SNRNP200: variants seen among roughly 807,000 people sequenced by gnomAD.
SNRNP200 encodes U5 small nuclear ribonucleoprotein 200 kDa helicase.
A neutral mutation model predicts 255.2 loss-of-function variants in SNRNP200; 66 were observed. The observed-to-expected ratio is 0.26, with a 90% CI of 0.21 to 0.32. The LOEUF is 0.32. Ranked by LOEUF, SNRNP200 falls within the 10% of genes least tolerant of loss-of-function variation. The probability of loss-of-function intolerance (pLI) is 1.00; values close to 1 mark genes in which losing one functional copy is unlikely to be tolerated. For synonymous variants in SNRNP200, 939 were observed against 1,027.8 expected, an observed-to-expected ratio of 0.91 and a Z score of 1.65; for missense variants, 1,585 against 2,749.8, an observed-to-expected ratio of 0.58 and a Z score of 9.47.
rs955315257 is a variant in SNRNP200 at position 96,291,999 on chromosome 2, A to C, written c.2161-99T>G. 7.4e-7 allele frequency: 1 copy of C among 1,354,174 alleles called. No individual in the cohort carries two copies. Among genetic ancestry groups the C allele is most frequent in the Non-Finnish European group, 1.0e-6 (1 of 958,374 alleles). 83.9% of individuals were successfully genotyped at this position (1,354,174 alleles called of 1,614,324 possible). ...GTTGCACCATCACCACCAGAAGCCA[A>C]GGTCCTGGAGAGGGGCAAGGGCAGG... On this transcript the variant is annotated intron_variant, in intron 16 of 44. Coordinates refer to ENST00000323853, the MANE Select transcript of SNRNP200 (RefSeq NM_014014.5). The surrounding 1 kb of genome is among the most constrained non-coding windows in gnomAD (Gnocchi z 4.2).
rs182700539 is a variant in SNRNP200, at chr2:96,293,038, G to C, written c.2094C>G (p.Ile698Met). 1.2e-6 allele frequency: 2 copies of C among 1,614,022 alleles called. No individual in the cohort carries two copies. Among genetic ancestry groups the C allele is most frequent in the Admixed American group, 1.7e-5 (1 of 60,022 alleles). Residue 698 changes from isoleucine to methionine, a missense_variant, in exon 16 of 45, where the codon ATC (isoleucine) becomes ATG (methionine). Physicochemically the swap from Ile to Met is conservative, Grantham distance 10. Around this residue, in one of 9 missense-constraint regions of SNRNP200, gnomAD observed 140 missense variants for 274.9 expected, o/e 0.51. Coordinates refer to ENST00000323853, the MANE Select transcript of SNRNP200 (RefSeq NM_014014.5). ...TYVGITEKKA[I>M]KRFQIMNEIV... The stretch of plus-strand genomic sequence containing the variant: ...TTTCATTCATGATCTGGAAACGCTT[G>C]ATAGCTTTTTTCTCTGTGATACCCA...
In SNRNP200 at chr2:96,292,018, G is replaced by A. The variant is rs1288910928; in HGVS notation, c.2161-118C>T. 2.7e-6 allele frequency: 3 copies of A among 1,119,886 alleles called. No homozygotes were observed. The African/African-American group carries it at 4.6e-5, about 17-fold the overall frequency. The allele number at this position is 1,119,886 out of a possible 1,614,324, so 69.4% of individuals were successfully genotyped here. A position where few individuals can be genotyped will look rare whatever the true frequency, so the allele number is the denominator to read the frequency against. Reference sequence around the variant, plus strand: ...AAGCCAAGGTCCTGGAGAGGGGCAAGGGCAGGAATGTGTGCAGGCTCAGAG... The same window carrying A: ...AAGCCAAGGTCCTGGAGAGGGGCAAAGGCAGGAATGTGTGCAGGCTCAGAG... On this transcript the variant is annotated intron_variant, in intron 16 of 44. Coordinates refer to ENST00000323853, the MANE Select transcript of SNRNP200 (RefSeq NM_014014.5).
chr2:96,287,053 G>C lies in SNRNP200; in HGVS notation c.3592C>G (p.Leu1198Val). The change falls in exon 27 of 45, where the codon CTG (leucine) becomes GTG (valine). Residue 1198 changes from leucine to valine, a missense_variant. Physicochemically the swap from Leu to Val is conservative, Grantham distance 32. Transcript: ENST00000323853. The surrounding 1 kb of genome is among the most constrained non-coding windows in gnomAD (Gnocchi z 5.7). ...VHLQPITRST[L>V]KVELTITPDF... is the part of the protein sequence containing the mutation. Reference sequence around the variant, plus strand: ...GGCGTGATGGTCAGCTCCACCTTCAGGGTGGAGCGTGTGATAGGCTGCAGG... The same window carrying C: ...GGCGTGATGGTCAGCTCCACCTTCACGGTGGAGCGTGTGATAGGCTGCAGG... 6.2e-7 allele frequency: 1 copy of C among 1,613,846 alleles called. No homozygotes were observed. The highest frequency in any genetic ancestry group is 8.5e-7 in the Non-Finnish European group (1 of 1,179,706).
chr2:96,289,849 G>A lies in SNRNP200; in HGVS notation c.2890C>T (p.Leu964=), dbSNP rs774954297. 2 of 1,614,176 alleles carry A rather than the reference G, an allele frequency of 1.2e-6. No homozygotes were observed. Among genetic ancestry groups the A allele is most frequent in the African/African-American group, 1.3e-5 (1 of 75,030 alleles). Residue 964 remains leucine (L), a synonymous_variant, in exon 21 of 45, where the codon CTG becomes TTG. Transcript: ENST00000323853. ...LDLVHTAALM[L]DKNNLVKYDK... ...TACTTGACCAGATTGTTCTTGTCCA[G>A]CATCAGGGCAGCTGTATGAACCAGA...
chr2:96,284,760 T>C (rs2063832742), intron 30 of SNRNP200, 175 bp from the exon 31 acceptor site: 3 of 620,960 alleles, frequency 4.8e-6, no homozygotes, highest in African/African-American at 1.9e-5. Context: ...TTTTTTTTTT[T>C]TCTTTTGAGA....
At chr2:96,276,585 C>T (rs1007311115) in intron 43 of SNRNP200, 29 of 370,610 alleles carry the variant, frequency 7.8e-5, no homozygotes, top group Middle Eastern at 5.2e-4. Flanking sequence ...CCACGCACAG[C>T]TAATTTTTGT....
At position 96,283,473 on chromosome 2, in the gene SNRNP200, C is replaced by G; in HGVS notation, c.4763+62G>C. 6.2e-7 allele frequency: 1 copy of G among 1,613,116 alleles called. No homozygotes were observed. The highest frequency in any genetic ancestry group is 8.5e-7 in the Non-Finnish European group (1 of 1,179,430). On this transcript the variant is annotated intron_variant, in intron 33 of 44. Coordinates refer to ENST00000323853, the MANE Select transcript of SNRNP200 (RefSeq NM_014014.5). The surrounding 1 kb of genome is among the most constrained non-coding windows in gnomAD (Gnocchi z 4.7). The stretch of plus-strand genomic sequence containing the variant: ...AACCCCACCCTCATAAAGAGGACAC[C>G]CTTGGAGTAGGCCAGCCTCACTTAA...
Position 96,278,906 on chromosome 2 carries a change from G to C in SNRNP200, c.5226C>G (p.Thr1742=). ...CATCCTGCTTGTTCTCAATGGTCTT[G>C]GTGACGATCTCAGCATTGAAGTGGT... ...MHDHFNAEIV[T]KTIENKQDAV... Residue 1742 remains threonine, a synonymous_variant, in exon 37 of 45, where the codon ACC becomes ACG. Transcript: ENST00000323853. This position sits in a 1 kb window ranked among gnomAD's most constrained non-coding sequence, Gnocchi z 6.9. The C allele has an allele frequency of 1.2e-6, 2 of 1,614,160 alleles. No homozygotes were observed. The highest frequency in any genetic ancestry group is 1.7e-6 in the Non-Finnish European group (2 of 1,180,018).
At chr2:96,299,109 T>A in intron 6 of SNRNP200, 142 bp from the exon 7 acceptor site, 1 of 1,133,560 alleles carries the variant, frequency 8.8e-7, no homozygotes, top group Non-Finnish European at 1.3e-6. Context: ...CTCTGGAATA[T>A]TGAGTTCAGA....
rs543940274 is a variant in SNRNP200 at position 96,297,483 on chromosome 2, C to A, written c.1257G>T (p.Gly419=). ...AGCGTTTATTGGCCATAAAGTGGCT[C>A]CCTTGGGTAAAAACCAGGTCCTCCA... ...LDLEDLVFTQ[G]SHFMANKRCQ... The change falls in exon 11 of 45, where the codon GGG becomes GGT. Residue 419 remains glycine, a synonymous_variant. Coordinates refer to ENST00000323853, the MANE Select transcript of SNRNP200 (RefSeq NM_014014.5). 1.9e-5 allele frequency: 30 copies of A among 1,614,080 alleles called. No homozygotes were observed. In the African/African-American group the frequency reaches 2.5e-4, roughly 14 times the overall value.
At chr2:96,292,308 G>A (rs1187517322) in intron 16 of SNRNP200, among the ~76,000 whole-genome samples, 1 of 152,220 alleles carries the variant, frequency 6.6e-6, no homozygotes, top group African/African-American at 2.4e-5. Flanking sequence ...TCTGAGACTA[G>A]TACACTGTTG....
rs767748215 is a variant in SNRNP200 at position 96,277,860 on chromosome 2, G to A, written c.5701C>T (p.Arg1901Cys). 6 of 1,614,104 alleles carry A rather than the reference G, an allele frequency of 3.7e-6. No individual in the cohort carries two copies. In the African/African-American group the frequency reaches 4.0e-5, roughly 11 times the overall value. ...TGCAACTCAGCACTCAGCTGCATGC[G>A]AGACAAGTGAGCCTGCAGGAGCAGG... ...TNLLLQAHLS[R>C]MQLSAELQSD... is the part of the protein sequence containing the mutation. The change falls in exon 40 of 45, where the codon CGC (arginine) becomes TGC (cysteine). Residue 1901 changes from arginine to cysteine, a missense_variant. Arg to Cys is a radical substitution (Grantham distance 180). Around this residue, in one of 9 missense-constraint regions of SNRNP200, gnomAD observed 279 missense variants for 551.2 expected, o/e 0.51. Transcript: ENST00000323853. The surrounding 1 kb of genome is among the most constrained non-coding windows in gnomAD (Gnocchi z 4.4).
chr2:96,303,868 GAC>G (rs2063970162), intron 2 of SNRNP200, among the ~76,000 whole-genome samples: 1 of 144,498 alleles, frequency 6.9e-6, no homozygotes, highest in Admixed American at 7.1e-5. Flanking sequence ...CAGCCTGGGT[GAC>G]AGAGTGAGAT....
Position 96,283,651 on chromosome 2 carries a change from A to T in SNRNP200, c.4647T>A (p.Ala1549=), listed in dbSNP as rs761238973. 8 of 1,614,176 alleles carry T rather than the reference A, an allele frequency of 5.0e-6. No homozygotes were observed. Among genetic ancestry groups the T allele is most frequent in the Non-Finnish European group, 6.8e-6 (8 of 1,180,040 alleles). ...GCTTCTTGGGCGAGTGCTTGGTGAT[A>T]GCATGGTACACAGGCTTGGCCATGG... ...LLSMAKPVYH[A]ITKHSPKKPV... is the part of the protein sequence containing the mutation. Residue 1549 remains alanine (A), a synonymous_variant, in exon 33 of 45, where the codon GCT becomes GCA. Coordinates refer to ENST00000323853, the MANE Select transcript of SNRNP200 (RefSeq NM_014014.5). The surrounding 1 kb of genome is among the most constrained non-coding windows in gnomAD (Gnocchi z 4.7).
chr2:96,303,339 C>T lies in SNRNP200; in HGVS notation c.210-9G>A. 1 of 1,614,082 alleles carries T rather than the reference C, an allele frequency of 6.2e-7. No individual in the cohort carries two copies. The highest frequency in any genetic ancestry group is 8.5e-7 in the Non-Finnish European group (1 of 1,180,016). On this transcript the variant is annotated splice_polypyrimidine_tract_variant and intron_variant, in intron 2 of 44. Coordinates refer to ENST00000323853, the MANE Select transcript of SNRNP200 (RefSeq NM_014014.5). ...CATCACGCTTTCTTCGCCTAATGGACATGCAATGTGATATTGAATGGCAGA... is the reference window on the plus strand; with the variant it reads ...CATCACGCTTTCTTCGCCTAATGGATATGCAATGTGATATTGAATGGCAGA...
At chr2:96,289,770 C>G in intron 21 of SNRNP200, 29 bp downstream of exon 21, 1 of 1,610,986 alleles carries the variant, frequency 6.2e-7, no homozygotes, top group Non-Finnish European at 8.5e-7. Flanking sequence ...TTGCTGAGAC[C>G]TTTGCCTCAA....
At chr2:96,276,855 A>C in intron 43 of SNRNP200, 49 bp downstream of exon 43, 1 of 1,567,470 alleles carries the variant, frequency 6.4e-7, no homozygotes, top group Non-Finnish European at 8.8e-7. Context: ...GCACCTAGCC[A>C]ATGGATAGGG....
At position 96,275,346 on chromosome 2, in the gene SNRNP200, G is replaced by A. The variant is rs2104327424; in HGVS notation, c.6178C>T (p.Arg2060Cys). ...ATCACCACCCACCAGCCCTCTTCAC[G>A]TTTCTGCAGTGATCCAAAACCAAGA... ...PVIAPLFPQKREEGWWVVIGD... is the reference protein window; with the variant it reads ...PVIAPLFPQKCEEGWWVVIGD... The change falls in exon 44 of 45, where the codon CGT becomes TGT. Residue 2060 changes from arginine (R) to cysteine (C), a missense_variant. Arg to Cys is a radical substitution (Grantham distance 180, BLOSUM62 -3). This residue lies in a region of SNRNP200 where 279 missense variants were observed against 551.2 expected (regional missense o/e 0.51). Coordinates refer to ENST00000323853, the MANE Select transcript of SNRNP200 (RefSeq NM_014014.5). 4 of 1,612,882 alleles carry A rather than the reference G, an allele frequency of 2.5e-6. No homozygotes were observed. The highest frequency in any genetic ancestry group is 3.4e-6 in the Non-Finnish European group (4 of 1,179,910).
intron 35 of SNRNP200, among the ~76,000 whole-genome samples, chr2:96,280,046 C>T (rs1362557593): frequency 1.3e-5 from 2 of 152,208 alleles, no homozygotes; most frequent in South Asian, 4.1e-4. Context: ...GGTGGGACTA[C>T]AGGTGCATAC....
Sources: gnomAD v4.1 joint callset for allele counts (sites outside exome capture counted in the v4.1 genomes callset) on GRCh38, gnomAD v4.1.1 for gene constraint, gnomAD v4.1.1 regional missense constraint, Gnocchi (gnomAD v3.1) non-coding constraint, MANE v1.5 for transcripts, NCBI Gene and HGNC (gene_info 2026-07-23, HGNC 2026-07-21) for gene names.